The following RPTOR variants were observed in gnomAD, a reference collection of about 807,000 sequenced individuals.
RPTOR encodes regulatory associated protein of MTOR complex 1, also known as regulatory-associated protein of mTOR.
RPTOR carries 21 observed loss-of-function variants against 169.9 expected under a neutral mutation model. The ratio of observed to expected loss-of-function variants is 0.12; its 90% CI spans 0.09 to 0.18. The LOEUF (loss-of-function observed/expected upper bound fraction) is 0.18. RPTOR is among the 10% of genes least tolerant of loss of function. The pLI is 1.00. For missense variants in RPTOR, 1,133 were observed against 1,855.9 expected (o/e 0.61, Z 7.16); for synonymous variants, 732 against 753.2 (o/e 0.97, Z 0.46).
At chr17:80,930,354 C>G (rs2068872448) in intron 24 of RPTOR, among the ~76,000 whole-genome samples, 2 of 36,100 alleles carry the variant, frequency 5.5e-5, no homozygotes, top group Admixed American at 2.9e-4. Flanking sequence ...TCAGCTCATC[C>G]CCAGCTCATC....
chr17:80,786,248 A>G (rs533965500), intron 6 of RPTOR, among the ~76,000 whole-genome samples: 16 of 152,306 alleles, frequency 1.1e-4, no homozygotes, highest in Admixed American at 8.5e-4. Context: ...AGTGTTGTGT[A>G]AAAGATAAAT....
intron 3 of RPTOR, among the ~76,000 whole-genome samples, chr17:80,685,644 T>TTTTTTTTTTTTTTTTTTTTTA: frequency 1.4e-5 from 1 of 72,302 alleles, no homozygotes; most frequent in Non-Finnish European, 2.8e-5. Context: ...TTTTTTTTTT[T>TTTTTTTTTTTTTTTTTTTTTA]TTTTTTTTTT....
At chr17:80,559,240 C>G (rs549022072) in intron 1 of RPTOR, among the ~76,000 whole-genome samples, 27 of 152,180 alleles carry the variant, frequency 1.8e-4, no homozygotes, top group Admixed American at 3.3e-4. Context: ...GGTAATGATG[C>G]ACCTTTGTCA....
chr17:80,922,974 C>A, intron 22 of RPTOR, 147 bp downstream of exon 22: 1 of 665,230 alleles, frequency 1.5e-6, no homozygotes, highest in Non-Finnish European at 2.6e-6. Context: ...GGCGTTCTTT[C>A]CCTCTCCCTC....
intron 10 of RPTOR, among the ~76,000 whole-genome samples, chr17:80,838,723 C>T (rs1260054238): frequency 6.6e-6 from 1 of 152,178 alleles, no homozygotes; most frequent in Non-Finnish European, 1.5e-5. Flanking sequence ...GCAGCCTGGG[C>T]AGAGGCAGGA....
At position 80,964,301 on chromosome 17, in the gene RPTOR, G is replaced by T; in HGVS notation, c.3979G>T (p.Val1327Leu). 1 of 1,606,876 alleles carries T rather than the reference G, an allele frequency of 6.2e-7. No homozygotes were observed. The highest frequency in any genetic ancestry group is 8.5e-7 in the Non-Finnish European group (1 of 1,179,096). ...AVGSNDYYISVYSVEKRVR is the reference protein window; with the variant it reads ...AVGSNDYYISLYSVEKRVR The stretch of plus-strand genomic sequence containing the variant: ...GGGAAGCAACGACTACTACATCTCC[G>T]TGTACTCGGTGGAGAAGCGTGTCAG... Residue 1327 changes from valine (V) to leucine (L), a missense_variant, in exon 34 of 34, where the codon GTG (valine) becomes TTG (leucine). This residue lies in a region of RPTOR where 410 missense variants were observed against 623.7 expected (regional missense o/e 0.66). Coordinates refer to ENST00000306801, the MANE Select transcript of RPTOR (RefSeq NM_020761.3).
intron 5 of RPTOR, among the ~76,000 whole-genome samples, chr17:80,751,409 C>T (rs1567893065): frequency 6.6e-6 from 1 of 152,178 alleles, no homozygotes; most frequent in Non-Finnish European, 1.5e-5. Context: ...GTCGTCACAG[C>T]TCTTTTAACA....
chr17:80,588,999 A>G (rs1758281026), intron 1 of RPTOR, among the ~76,000 whole-genome samples: 1 of 152,170 alleles, frequency 6.6e-6, no homozygotes, highest in African/African-American at 2.4e-5. Context: ...TTGTCCCATA[A>G]TGTACCCTAA....
intron 1 of RPTOR, among the ~76,000 whole-genome samples, chr17:80,568,854 G>T (rs1027627853): frequency 6.6e-6 from 1 of 151,766 alleles, no homozygotes; most frequent in Non-Finnish European, 1.5e-5. Context: ...TTATTTTATT[G>T]TTACAGAGAC....
At chr17:80,712,470 G>A (rs2066203255) in intron 4 of RPTOR, among the ~76,000 whole-genome samples, 1 of 152,102 alleles carries the variant, frequency 6.6e-6, no homozygotes, top group African/African-American at 2.4e-5. Context: ...ATACGCTTAA[G>A]ACTCCTCCGT....
chr17:80,852,882 C>T (rs561278106), intron 11 of RPTOR, among the ~76,000 whole-genome samples: 5 of 152,092 alleles, frequency 3.3e-5, no homozygotes, highest in African/African-American at 7.2e-5. Flanking sequence ...TCCCCTCCCC[C>T]GATCCTCCAC....
rs531287752 is a variant in RPTOR, at chr17:80,561,407, C to T, written c.162+15616C>T. ...TATAGGCATGAGCCACGCACCCAGC[C>T]CTAGAATGGCATTTTATTTTATTTT... is the stretch of plus-strand genomic sequence containing the variant. On this transcript the variant is annotated intron_variant, in intron 1 of 33. Transcript: ENST00000306801. Among the ~76,000 whole-genome samples, 53 of 150,842 alleles carry T rather than the reference C, an allele frequency of 3.5e-4. No homozygotes were observed. In the East Asian group the frequency reaches 5.9e-3, roughly 17 times the overall value.
chr17:80,629,694 T>C (rs2065427492), intron 2 of RPTOR, among the ~76,000 whole-genome samples: 1 of 151,858 alleles, frequency 6.6e-6, no homozygotes, highest in South Asian at 2.1e-4. Flanking sequence ...TATTGTGTTG[T>C]TGGACATTGT....
chr17:80,837,614 G>A (rs2067578702), intron 9 of RPTOR, among the ~76,000 whole-genome samples: 1 of 152,248 alleles, frequency 6.6e-6, no homozygotes, highest in African/African-American at 2.4e-5. Flanking sequence ...AAAATGGGAA[G>A]CATTCCTTTA....
rs367941292 is a variant in RPTOR at position 80,730,740 on chromosome 17, G to C, written c.654+34G>C. ...TCTGGTGCTTGGAGAGCGGTGCTGGGTTTGGTTTTGTTTTCCCTGGGGGTG... is the reference window on the plus strand; with the variant it reads ...TCTGGTGCTTGGAGAGCGGTGCTGGCTTTGGTTTTGTTTTCCCTGGGGGTG... On this transcript the variant is annotated intron_variant, in intron 5 of 33. Transcript: ENST00000306801. This position sits in a 1 kb window ranked among gnomAD's most constrained non-coding sequence, Gnocchi z 4.2. 5 of 979,756 alleles carry C rather than the reference G, an allele frequency of 5.1e-6. No individual in the cohort carries two copies. The Admixed American group carries it at 1.0e-4, about 20-fold the overall frequency. The allele number at this position is 979,756 out of a possible 1,614,324, so 60.7% of individuals were successfully genotyped here.
rs369777374 is a variant in RPTOR at position 80,707,806 on chromosome 17, C to T, written c.349-35C>T. On this transcript the variant is annotated intron_variant, in intron 3 of 33. Coordinates refer to ENST00000306801, the MANE Select transcript of RPTOR (RefSeq NM_020761.3). This position sits in a 1 kb window ranked among gnomAD's most constrained non-coding sequence, Gnocchi z 5.0. ...TGAGTTCCAAGCATTCCCTGGAGTC[C>T]GTGGTAAATTTCTTCATTTCTTCTC... is the stretch of plus-strand genomic sequence containing the variant. 3.9e-5 allele frequency: 62 copies of T among 1,598,584 alleles called. No homozygotes were observed. The highest frequency in any genetic ancestry group is 3.3e-4 in the African/African-American group (25 of 74,692).
chr17:80,850,496 G>A (rs757399251), intron 11 of RPTOR, among the ~76,000 whole-genome samples: 1 of 152,150 alleles, frequency 6.6e-6, no homozygotes, highest in African/African-American at 2.4e-5. Flanking sequence ...CCGGAGCTCC[G>A]CCTCCTGGGT....
intron 10 of RPTOR, among the ~76,000 whole-genome samples, chr17:80,840,711 A>ACACT (rs1567942331): frequency 2.7e-5 from 2 of 75,310 alleles, no homozygotes; most frequent in South Asian, 5.4e-4. Context: ...ACGGCAGCTC[A>ACACT]CACCACACGG....
intron 13 of RPTOR, among the ~76,000 whole-genome samples, chr17:80,875,289 G>T: frequency 6.6e-6 from 1 of 152,170 alleles, no homozygotes; most frequent in East Asian, 1.9e-4. Context: ...CCCCATTGTC[G>T]TGTCTGCTTG....
Sources: gnomAD v4.1 joint callset for allele counts (sites outside exome capture counted in the v4.1 genomes callset) on GRCh38, gnomAD v4.1.1 for gene constraint, gnomAD v4.1.1 regional missense constraint, Gnocchi (gnomAD v3.1) non-coding constraint, MANE v1.5 for transcripts, NCBI Gene and HGNC (gene_info 2026-07-23, HGNC 2026-07-21) for gene names.